Variants in HIF1AN observed in about 807,000 individuals in gnomAD.
HIF1AN encodes the protein hypoxia-inducible factor 1-alpha inhibitor.
HIF1AN carries 21 observed loss-of-function variants against 47.7 expected under a neutral mutation model. The observed-to-expected ratio is 0.44, with a 90% CI of 0.31 to 0.63. The LOEUF (loss-of-function observed/expected upper bound fraction) is 0.63. Ranked by LOEUF, HIF1AN falls within the 30% of genes least tolerant of loss-of-function variation. HIF1AN has a pLI of 0.07. For synonymous variants in HIF1AN, 152 were observed against 155.9 expected (o/e 0.98, Z 0.18); for missense variants, 320 against 432.7 (o/e 0.74, Z 2.31).
chr10:100,556,966 T>C lies in HIF1AN; in HGVS notation c.*8829T>C, dbSNP rs1843219506. On this transcript the variant is annotated 3_prime_UTR_variant, in exon 8 of 8. Transcript: ENST00000299163. ...AAGGCTTTTCTGATCCTACTCTGAC[T>C]CTCAAGATAATGGTGCTTGAAGTGA... The C allele has an allele frequency of 2.0e-5, 3 of 152,202 alleles. No homozygotes were observed. Among genetic ancestry groups the C allele is most frequent in the Admixed American group, 1.3e-4 (2 of 15,280 alleles). The allele number at this position is 152,202 out of a possible 1,614,324, so 9.4% of individuals were successfully genotyped here.
rs1405303853 is a variant in HIF1AN at position 100,556,083 on chromosome 10, C to G, written c.*7946C>G. The stretch of plus-strand genomic sequence containing the variant: ...TCTTTCTGTGTCTCTCAGTCTTTAC[C>G]TCTCTTCCCCATCTAGCTTTCTGTC... On this transcript the variant is annotated 3_prime_UTR_variant, in exon 8 of 8. Transcript: ENST00000299163. 6.6e-6 allele frequency: 1 copy of G among 152,190 alleles called. No individual in the cohort carries two copies. The allele number at this position is 152,190 out of a possible 1,614,324, so 9.4% of individuals were successfully genotyped here.
intron 5 of HIF1AN, 25 bp downstream of exon 5, chr10:100,546,074 G>GC: frequency 6.8e-7 from 1 of 1,466,036 alleles, no homozygotes; most frequent in East Asian, 2.3e-5. Context: ...AGGGCTGGGG[G>GC]CTTTTTGGGA....
In HIF1AN at chr10:100,554,158, C is replaced by T. The variant is rs1211567494; in HGVS notation, c.*6021C>T. On this transcript the variant is annotated 3_prime_UTR_variant, in exon 8 of 8. Transcript: ENST00000299163. ...AGACTTTACTGCTGTACTACCAGCC[C>T]AGGGCCTTGGGTGAGAAGGTTTCAG... 1 of 152,166 alleles carries T rather than the reference C, an allele frequency of 6.6e-6. No homozygotes were observed. Among genetic ancestry groups the T allele is most frequent in the Non-Finnish European group, 1.5e-5 (1 of 68,064 alleles). 9.4% of individuals were successfully genotyped at this position (152,166 alleles called of 1,614,324 possible).
At chr10:100,543,721 G>A (rs558770316) in intron 3 of HIF1AN, among the ~76,000 whole-genome samples, 5 of 152,240 alleles carry the variant, frequency 3.3e-5, no homozygotes, top group Non-Finnish European at 2.9e-5. Flanking sequence ...GTAGGCGCCC[G>A]CCACCACGCC....
At chr10:100,547,981 G>A in intron 7 of HIF1AN, 112 bp from the exon 8 acceptor site, 1 of 958,772 alleles carries the variant, frequency 1.0e-6, no homozygotes, top group Non-Finnish European at 1.7e-6. Flanking sequence ...AAGATTGTAT[G>A]AAAACATTGT....
At chr10:100,543,812 T>TCC (rs1205444088) in intron 3 of HIF1AN, among the ~76,000 whole-genome samples, 1 of 151,976 alleles carries the variant, frequency 6.6e-6, no homozygotes. Flanking sequence ...GACCTCATGA[T>TCC]CCCCCGCCTT....
At position 100,548,141 on chromosome 10, in the gene HIF1AN, G is replaced by T. The variant is rs758117427; in HGVS notation, c.*4G>T. 1.5e-5 allele frequency: 24 copies of T among 1,607,840 alleles called. No individual in the cohort carries two copies. Among genetic ancestry groups the T allele is most frequent in the Admixed American group, 1.7e-5 (1 of 59,348 alleles). ...GATCAAGGGCCGATACAACTAGCCT[G>T]CCAGGGGTCAAGGCCTCCTGCCAGG... On this transcript the variant is annotated 3_prime_UTR_variant, in exon 8 of 8. Transcript: ENST00000299163.
At chr10:100,540,589 CTG>C (rs768515675) in intron 2 of HIF1AN, 43 bp from the exon 3 acceptor site, 3 of 1,607,234 alleles carry the variant, frequency 1.9e-6, no homozygotes, top group Non-Finnish European at 2.5e-6. Flanking sequence ...ATGCCAGGGG[CTG>C]TGTGTGCATG....
chr10:100,536,004 C>T lies in HIF1AN; in HGVS notation c.46C>T (p.Pro16Ser), dbSNP rs764462537. 3 of 1,569,072 alleles carry T rather than the reference C, an allele frequency of 1.9e-6. No homozygotes were observed. Among genetic ancestry groups the T allele is most frequent in the African/African-American group, 1.4e-5 (1 of 73,652 alleles). The change falls in exon 1 of 8, where the codon CCC (proline) becomes TCC (serine). Residue 16 changes from proline to serine, a missense_variant. This residue lies in a region of HIF1AN where 159 missense variants were observed against 159.9 expected (regional missense o/e 0.99). Transcript: ENST00000299163. ...AEAVASGSGE[P>S]REEAGALGPA... ...GGCTGTGGCCTCTGGCTCTGGAGAG[C>T]CCCGGGAGGAGGCTGGAGCCCTCGG...
intron 4 of HIF1AN, 114 bp from the exon 5 acceptor site, chr10:100,545,829 G>T (rs1051663939): frequency 2.9e-6 from 2 of 701,070 alleles, no homozygotes; most frequent in South Asian, 3.5e-5. Context: ...TTTTTTTAAG[G>T]CATCGTTTTT....
At position 100,556,670 on chromosome 10, in the gene HIF1AN, A is replaced by G. The variant is rs1218978992; in HGVS notation, c.*8533A>G. 6.6e-6 allele frequency: 1 copy of G among 152,240 alleles called. No individual in the cohort carries two copies. Among genetic ancestry groups the G allele is most frequent in the Non-Finnish European group, 1.5e-5 (1 of 68,030 alleles). 9.4% of individuals were successfully genotyped at this position (152,240 alleles called of 1,614,324 possible). ...GTTCTCACAAGGGTTTGTGTGATGC[A>G]CTGACAAGAACAGAGGCTTTGGAGG... On this transcript the variant is annotated 3_prime_UTR_variant, in exon 8 of 8. Coordinates refer to ENST00000299163, the MANE Select transcript of HIF1AN (RefSeq NM_017902.3).
chr10:100,549,323 C>G lies in HIF1AN; in HGVS notation c.*1186C>G, dbSNP rs1042112969. The G allele has an allele frequency of 1.3e-5, 2 of 152,234 alleles. No individual in the cohort carries two copies. The highest frequency in any genetic ancestry group is 4.8e-5 in the African/African-American group (2 of 41,438). The allele number at this position is 152,234 out of a possible 1,614,324, so 9.4% of individuals were successfully genotyped here. On this transcript the variant is annotated 3_prime_UTR_variant, in exon 8 of 8. Coordinates refer to ENST00000299163, the MANE Select transcript of HIF1AN (RefSeq NM_017902.3). ...TGATGCTCCCTGCCCAGGCCATATC[C>G]TTTATTCCTGCTGAGCTTCCTGGCT...
At chr10:100,546,457 C>CCGGG in intron 5 of HIF1AN, 61 bp from the exon 6 acceptor site, 4 of 540,712 alleles carry the variant, frequency 7.4e-6, no homozygotes, top group Non-Finnish European at 1.3e-5. Context: ...CCCCGCACTT[C>CCGGG]GCCCCTCCGC....
intron 3 of HIF1AN, among the ~76,000 whole-genome samples, chr10:100,541,237 A>G (rs1843024943): frequency 6.6e-6 from 1 of 151,014 alleles, no homozygotes; most frequent in South Asian, 2.1e-4. Flanking sequence ...AAAAAGAAAC[A>G]TAATAGGGCC....
rs546946367 is a variant in HIF1AN at position 100,548,626 on chromosome 10, G to A, written c.*489G>A. On this transcript the variant is annotated 3_prime_UTR_variant, in exon 8 of 8. Transcript: ENST00000299163. ...CTCCCCACTGCATCTGGGCTGCAGG[G>A]CCAGAGCTAGTCTGACCATTAGGTC... The A allele has an allele frequency of 1.4e-3, 216 of 155,826 alleles. No homozygotes were observed. The highest frequency in any genetic ancestry group is 1.8e-3 in the Non-Finnish European group (127 of 69,896). 9.7% of individuals were successfully genotyped at this position (155,826 alleles called of 1,614,324 possible).
rs1843208190 is a variant in HIF1AN at position 100,555,600 on chromosome 10, G to A, written c.*7463G>A. The A allele has an allele frequency of 6.6e-6, 1 of 152,300 alleles. No homozygotes were observed. Among genetic ancestry groups the A allele is most frequent in the Non-Finnish European group, 1.5e-5 (1 of 68,106 alleles). 9.4% of individuals were successfully genotyped at this position (152,300 alleles called of 1,614,324 possible). A position where few individuals can be genotyped will look rare whatever the true frequency, so the allele number is the denominator to read the frequency against. ...GCCTCAGACCCTGGTCCCTAGCTTTGTGGGTGAAGAAGATACCTCTTTAGC... is the reference window on the plus strand; with the variant it reads ...GCCTCAGACCCTGGTCCCTAGCTTTATGGGTGAAGAAGATACCTCTTTAGC... On this transcript the variant is annotated 3_prime_UTR_variant, in exon 8 of 8. Transcript: ENST00000299163.
intron 4 of HIF1AN, 109 bp downstream of exon 4, chr10:100,545,205 C>T: frequency 8.3e-7 from 1 of 1,201,160 alleles, no homozygotes; most frequent in South Asian, 1.5e-5. Context: ...GGATTACAGG[C>T]TGTTCTTGCC....
Position 100,545,054 on chromosome 10 carries a change from C to G in HIF1AN, c.681C>G (p.Leu227=). ...ILFPPDQFEC[L]YPYPVHHPCD... Reference sequence around the variant, plus strand: ...TCCCTCCGGATCAGTTCGAGTGCCTCTACCCATACCCTGTTCATCACCCAT... The same window carrying G: ...TCCCTCCGGATCAGTTCGAGTGCCTGTACCCATACCCTGTTCATCACCCAT... Residue 227 remains leucine (L), a synonymous_variant, in exon 4 of 8, where the codon CTC becomes CTG. Transcript: ENST00000299163. 6.2e-7 allele frequency: 1 copy of G among 1,614,236 alleles called. No homozygotes were observed. Among genetic ancestry groups the G allele is most frequent in the Non-Finnish European group, 8.5e-7 (1 of 1,180,046 alleles).
At chr10:100,537,574 C>T (rs1852240317) in intron 2 of HIF1AN, among the ~76,000 whole-genome samples, 1 of 152,242 alleles carries the variant, frequency 6.6e-6, no homozygotes. Context: ...ACACACAAGA[C>T]AGTGATTCTT....
Sources: allele counts gnomAD v4.1 joint callset (sites outside exome capture counted in the v4.1 genomes callset), GRCh38; gene constraint gnomAD v4.1.1; regional missense constraint gnomAD v4.1.1; transcripts MANE v1.5; gene names NCBI Gene and HGNC (gene_info 2026-07-23, HGNC 2026-07-21).